The following PTPRF variants were observed in gnomAD, a reference collection of about 807,000 sequenced individuals.
The protein encoded by PTPRF is protein tyrosine phosphatase receptor type F.
In PTPRF, 59 loss-of-function variants were observed where a neutral mutation model predicts 201.8. The ratio of observed to expected loss-of-function variants is 0.29; its 90% CI spans 0.24 to 0.36. The LOEUF (loss-of-function observed/expected upper bound fraction) is 0.36. PTPRF is among the 10% of genes least tolerant of loss of function. PTPRF has a pLI of 1.00. For missense variants in PTPRF, 2,132 were observed against 2,690.5 expected (o/e 0.79, Z 4.59); for synonymous variants, 1,088 against 1,089.7 (o/e 1.00, Z 0.03).
Position 43,605,192 on chromosome 1 carries a change from T to C in PTPRF, c.3138T>C (p.Ile1046=), listed in dbSNP as rs1654783661. 8 of 1,596,514 alleles carry C rather than the reference T, an allele frequency of 5.0e-6. No homozygotes were observed. Among genetic ancestry groups the C allele is most frequent in the Non-Finnish European group, 6.9e-6 (8 of 1,166,994 alleles). The change falls in exon 18 of 34, where the codon ATT becomes ATC. Residue 1046 remains isoleucine (I), a splice_region_variant and synonymous_variant. Transcript: ENST00000359947. ...DSYKSAVPFK[I]LYNGQSVEVD... is the part of the protein sequence containing the mutation. ...ATTGCCCCTCCCGTCCCCCACAGAT[T>C]CTGTACAATGGGCAGAGTGTGGAGG...
At chr1:43,539,116 C>G (rs1644205754) in intron 2 of PTPRF, among the ~76,000 whole-genome samples, 1 of 152,122 alleles carries the variant, frequency 6.6e-6, no homozygotes, top group South Asian at 2.1e-4. Flanking sequence ...AAAGGTGGCA[C>G]TGGTCTGTGT....
intron 5 of PTPRF, among the ~76,000 whole-genome samples, chr1:43,558,838 A>C (rs1645582935): frequency 6.6e-6 from 1 of 152,132 alleles, no homozygotes; most frequent in African/African-American, 2.4e-5. Flanking sequence ...CTTGGAGCTC[A>C]GTCTGTAAGT....
chr1:43,555,264 G>T (rs1487805945), intron 5 of PTPRF, among the ~76,000 whole-genome samples: 4 of 151,996 alleles, frequency 2.6e-5, no homozygotes, highest in Non-Finnish European at 5.9e-5. Context: ...TTTACCTCTA[G>T]TAATAACATT....
chr1:43,621,660 A>G (rs1448198773), intron 33 of PTPRF, among the ~76,000 whole-genome samples: 2 of 152,210 alleles, frequency 1.3e-5, no homozygotes, highest in Non-Finnish European at 2.9e-5. Context: ...TGCACAGAGC[A>G]ATCCTTATGG....
At chr1:43,600,758 T>C (rs1333113785) in intron 13 of PTPRF, among the ~76,000 whole-genome samples, 1 of 150,876 alleles carries the variant, frequency 6.6e-6, no homozygotes, top group African/African-American at 2.4e-5. Context: ...TCTCTCTCCT[T>C]CTTGGAGTCT....
At chr1:43,562,194 C>T (rs146280620) in intron 5 of PTPRF, among the ~76,000 whole-genome samples, 222 of 151,732 alleles carry the variant, frequency 1.5e-3, no homozygotes, top group African/African-American at 5.1e-3. Context: ...CTGCAACTTC[C>T]GCCTCCCGGG....
rs557253363 is a variant in PTPRF, at chr1:43,537,869, G to T, written c.-125-329G>T. Among the ~76,000 whole-genome samples, 1 of 152,250 alleles carries T rather than the reference G, an allele frequency of 6.6e-6. No homozygotes were observed. Among genetic ancestry groups the T allele is most frequent in the South Asian group, 2.1e-4 (1 of 4,830 alleles). ...TGCAGAGGTGGGAGGGGCCGACTCT[G>T]CTTGGCTCTGGGGTCATGCTGAGGA... On this transcript the variant is annotated intron_variant, in intron 1 of 33. Transcript: ENST00000359947. This position sits in a 1 kb window ranked among gnomAD's most constrained non-coding sequence, Gnocchi z 4.8.
intron 11 of PTPRF, 117 bp downstream of exon 11, chr1:43,592,718 A>T (rs1337464587): frequency 1.9e-5 from 23 of 1,239,786 alleles, no homozygotes; most frequent in Non-Finnish European, 2.4e-5. Flanking sequence ...TGCTGGCCAA[A>T]CCGAACTCTG....
At chr1:43,529,362 TGGTTACCA>T (rs1452326292), upstream of PTPRF, among the ~76,000 whole-genome samples, 1 of 152,198 alleles carries the variant, frequency 6.6e-6, no homozygotes, top group Non-Finnish European at 1.5e-5. Flanking sequence ...GTGAATCAGG[TGGTTACCA>T]GAACCTGATT....
intron 23 of PTPRF, among the ~76,000 whole-genome samples, chr1:43,615,539 T>C (rs925115015): frequency 7.0e-6 from 1 of 143,236 alleles, no homozygotes; most frequent in African/African-American, 2.6e-5. Flanking sequence ...CAGGACCCCA[T>C]AGCTCTGTTG....
chr1:43,613,899 G>A (rs903254698), intron 23 of PTPRF, among the ~76,000 whole-genome samples, 184 bp downstream of exon 23: 3 of 152,172 alleles, frequency 2.0e-5, no homozygotes, highest in Non-Finnish European at 4.4e-5. Flanking sequence ...TGCTGGGTCT[G>A]GCCATAGCCT....
At chr1:43,561,812 C>G (rs565902209) in intron 5 of PTPRF, among the ~76,000 whole-genome samples, 1 of 152,268 alleles carries the variant, frequency 6.6e-6, no homozygotes, top group South Asian at 2.1e-4. Flanking sequence ...TTGAGGCGCC[C>G]AAGTGGATTC....
chr1:43,591,552 A>G lies in PTPRF; in HGVS notation c.1530A>G (p.Gly510=). ...SPTIQVKTQQ[G]VPAQPADFQA... is the part of the protein sequence containing the mutation. ...CCATCCAGGTCAAGACGCAGCAGGG[A>G]GGTAGGTGGGGGCATGCCGGCTGGG... is the stretch of plus-strand genomic sequence containing the variant. The change falls in exon 9 of 34, where the codon GGA becomes GGG. Residue 510 remains glycine (G), a splice_region_variant and synonymous_variant. Transcript: ENST00000359947. 1 of 1,566,310 alleles carries G rather than the reference A, an allele frequency of 6.4e-7. No homozygotes were observed.
Position 43,591,643 on chromosome 1 carries a change from G to C in PTPRF, c.1531+90G>C. 4 of 1,448,022 alleles carry C rather than the reference G, an allele frequency of 2.8e-6. No homozygotes were observed. In the South Asian group the frequency reaches 5.4e-5, roughly 20 times the overall value. The allele number at this position is 1,448,022 out of a possible 1,614,324, so 89.7% of individuals were successfully genotyped here. A position where few individuals can be genotyped will look rare whatever the true frequency, so the allele number is the denominator to read the frequency against. On this transcript the variant is annotated intron_variant, in intron 9 of 33. Coordinates refer to ENST00000359947, the MANE Select transcript of PTPRF (RefSeq NM_002840.5). ...GCCTTTCCCCCTCCCTCGGCTGTGA[G>C]GCTGGGGGCTCTTGGGAGGATCAAG...
chr1:43,578,953 C>G, intron 7 of PTPRF, 33 bp downstream of exon 7: 3 of 1,598,116 alleles, frequency 1.9e-6, no homozygotes, highest in Non-Finnish European at 2.6e-6. Flanking sequence ...GCCCCTGTCA[C>G]CACAGAGCTG....
intron 5 of PTPRF, among the ~76,000 whole-genome samples, chr1:43,564,148 C>T (rs925813571): frequency 6.6e-6 from 1 of 152,154 alleles, no homozygotes; most frequent in Non-Finnish European, 1.5e-5. Flanking sequence ...CTCAAAGCTG[C>T]GAAGGGAGAT....
At chr1:43,590,115 A>G (rs892234177) in intron 8 of PTPRF, among the ~76,000 whole-genome samples, 38 of 152,144 alleles carry the variant, frequency 2.5e-4, no homozygotes, top group African/African-American at 8.5e-4. Flanking sequence ...CTGTCCAGAC[A>G]CATGCTGCTT....
intron 1 of PTPRF, among the ~76,000 whole-genome samples, chr1:43,536,527 T>A (rs1482482819): frequency 6.6e-6 from 1 of 152,162 alleles, no homozygotes; most frequent in Non-Finnish European, 1.5e-5. Context: ...CCTGGCCAGC[T>A]TGGGGGGCCT....
In PTPRF at chr1:43,597,942, G is replaced by C; in HGVS notation, c.2008G>C (p.Asp670His). The change falls in exon 12 of 34, where the codon GAC becomes CAC. Residue 670 changes from aspartate (D) to histidine (H), a missense_variant. By Grantham distance (81) the Asp-to-His change is moderately conservative. This residue lies in a region of PTPRF where 125 missense variants were observed against 211.9 expected (regional missense o/e 0.59). Coordinates refer to ENST00000359947, the MANE Select transcript of PTPRF (RefSeq NM_002840.5). Reference sequence around the variant, plus strand: ...CATCAGCCGTGAGCACTCCAGCTGGGACCTGGTGGGCCTGGAGAAGTGGAC... The same window carrying C: ...CATCAGCCGTGAGCACTCCAGCTGGCACCTGGTGGGCCTGGAGAAGTGGAC... Reference protein sequence around the residue: ...DGISREHSSWDLVGLEKWTEY... With the variant: ...DGISREHSSWHLVGLEKWTEY... The C allele has an allele frequency of 6.3e-7, 1 of 1,582,644 alleles. No homozygotes were observed. The highest frequency in any genetic ancestry group is 1.2e-5 in the South Asian group (1 of 86,446).
Sources: allele counts gnomAD v4.1 joint callset (sites outside exome capture counted in the v4.1 genomes callset), GRCh38; gene constraint gnomAD v4.1.1; regional missense constraint gnomAD v4.1.1; non-coding constraint Gnocchi (gnomAD v3.1); transcripts MANE v1.5; gene names NCBI Gene and HGNC (gene_info 2026-07-23, HGNC 2026-07-21).